FAM78A: variants seen among roughly 807,000 people sequenced by gnomAD.
FAM78A encodes the protein family with sequence similarity 78 member A.
Under a neutral mutation model 22.6 loss-of-function variants are expected in FAM78A, and 12 were observed. That is an observed-to-expected ratio of 0.53 (90% CI 0.34 to 0.86). The LOEUF (loss-of-function observed/expected upper bound fraction) is 0.86, where lower values mean the gene tolerates loss of function less well. FAM78A is among the 40% of genes least tolerant of loss of function. The pLI is 0.02. For missense variants in FAM78A, 322 were observed against 396.1 expected (o/e 0.81, Z 1.59); for synonymous variants, 151 against 155.8 (o/e 0.97, Z 0.23).
At chr9:131,267,200 T>A (rs1835356511) in intron 1 of FAM78A, among the ~76,000 whole-genome samples, 1 of 152,148 alleles carries the variant, frequency 6.6e-6, no homozygotes, top group Admixed American at 6.5e-5. Context: ...ACCTAAGCGA[T>A]CCTCTCACCT....
Position 131,260,388 on chromosome 9 carries a change from A to G in FAM78A, c.*434T>C, listed in dbSNP as rs1442652989. The G allele has an allele frequency of 6.1e-6, 1 of 163,056 alleles. No homozygotes were observed. The highest frequency in any genetic ancestry group is 2.4e-5 in the African/African-American group (1 of 41,838). 10.1% of individuals were successfully genotyped at this position (163,056 alleles called of 1,614,324 possible). On this transcript the variant is annotated 3_prime_UTR_variant, in exon 2 of 2. Transcript: ENST00000372271. This position sits in a 1 kb window ranked among gnomAD's most constrained non-coding sequence, Gnocchi z 5.4. ...GAGGGACCTGGGGGGAAGGCCGGCC[A>G]GCGCCACAAATCGGCAGCAGTGTGG...
chr9:131,273,254 G>A (rs1290170782), intron 1 of FAM78A, among the ~76,000 whole-genome samples: 1 of 152,216 alleles, frequency 6.6e-6, no homozygotes, highest in Non-Finnish European at 1.5e-5. Context: ...GACACCAAAC[G>A]GAACCCCGGG....
chr9:131,279,893 G>C (rs536475407), upstream of FAM78A, among the ~76,000 whole-genome samples: 11 of 152,306 alleles, frequency 7.2e-5, no homozygotes, highest in Admixed American at 3.9e-4. Flanking sequence ...GATCTGACCA[G>C]CTCCAAAGCC....
At chr9:131,277,906 G>A (rs1835504898), upstream of FAM78A, among the ~76,000 whole-genome samples, 1 of 150,354 alleles carries the variant, frequency 6.7e-6, no homozygotes, top group Non-Finnish European at 1.5e-5. The surrounding 1 kb of genome is among the most constrained non-coding windows in gnomAD (Gnocchi z 8.4). Context: ...AAAGGCAACC[G>A]GGTCAAACTT....
In FAM78A at chr9:131,265,224, T is replaced by G. The variant is rs76214170; in HGVS notation, c.324-3874A>C. Among the ~76,000 whole-genome samples the G allele has an allele frequency of 5.7e-3, 865 of 152,340 alleles. 13 individuals are homozygous for G. The East Asian group carries it at 0.063, about 11-fold the overall frequency. On this transcript the variant is annotated intron_variant, in intron 1 of 1. Coordinates refer to ENST00000372271, the MANE Select transcript of FAM78A (RefSeq NM_033387.4). The surrounding 1 kb of genome is among the most constrained non-coding windows in gnomAD (Gnocchi z 4.3). ...TGAAATTTTCCGATTATTTTTAACT[T>G]AAAAGTCTAAAGTTAAGCAATATCT...
At position 131,275,603 on chromosome 9, in the gene FAM78A, G is replaced by T. The variant is rs888873465; in HGVS notation, c.323+254C>A. 6.6e-6 allele frequency among the ~76,000 whole-genome samples: 1 copy of T among 152,224 alleles called. No individual in the cohort carries two copies. The highest frequency in any genetic ancestry group is 1.5e-5 in the Non-Finnish European group (1 of 68,040). On this transcript the variant is annotated intron_variant, in intron 1 of 1. Coordinates refer to ENST00000372271, the MANE Select transcript of FAM78A (RefSeq NM_033387.4). This position sits in a 1 kb window ranked among gnomAD's most constrained non-coding sequence, Gnocchi z 4.6. Reference sequence around the variant, plus strand: ...CTCTGCTTTCTCGGCATCTTGCAGGGAAGGACACAGGAACCCGGGGGGAAC... The same window carrying T: ...CTCTGCTTTCTCGGCATCTTGCAGGTAAGGACACAGGAACCCGGGGGGAAC...
At chr9:131,268,755 T>C (rs1332338222) in intron 1 of FAM78A, among the ~76,000 whole-genome samples, 1 of 151,908 alleles carries the variant, frequency 6.6e-6, no homozygotes, top group Non-Finnish European at 1.5e-5. Flanking sequence ...TAGCCGGGCA[T>C]GGTGGCAGGT....
chr9:131,269,498 A>G (rs1289913246), intron 1 of FAM78A, among the ~76,000 whole-genome samples: 1 of 146,672 alleles, frequency 6.8e-6, no homozygotes, highest in Non-Finnish European at 1.5e-5. Context: ...TTTTTTTTTG[A>G]GACAGTCTAG....
chr9:131,268,230 C>T (rs921425016), intron 1 of FAM78A, among the ~76,000 whole-genome samples: 4 of 152,184 alleles, frequency 2.6e-5, no homozygotes, highest in Non-Finnish European at 5.9e-5. Context: ...AGAAAGTACT[C>T]ATTCTGTAAA....
chr9:131,276,273 A>G lies in FAM78A; in HGVS notation c.-94T>C. 9.5e-7 allele frequency: 1 copy of G among 1,053,496 alleles called. No individual in the cohort carries two copies. Among genetic ancestry groups the G allele is most frequent in the Non-Finnish European group, 1.4e-6 (1 of 729,580 alleles). The allele number at this position is 1,053,496 out of a possible 1,614,324, so 65.3% of individuals were successfully genotyped here. On this transcript the variant is annotated 5_prime_UTR_variant, in exon 1 of 2. Transcript: ENST00000372271. This position sits in a 1 kb window ranked among gnomAD's most constrained non-coding sequence, Gnocchi z 4.3. ...TATCCATAGGATAGAAAACTCACTG[A>G]GTAGACTGGGGTTGCATATATCACT...
In FAM78A at chr9:131,276,221, C is replaced by A. The variant is rs200583741; in HGVS notation, c.-42G>T. 9.2e-4 allele frequency: 1,406 copies of A among 1,524,230 alleles called. 5 individuals are homozygous for A. The highest frequency in any genetic ancestry group is 4.2e-3 in the Middle Eastern group (24 of 5,748). The allele number at this position is 1,524,230 out of a possible 1,614,324, so 94.4% of individuals were successfully genotyped here. On this transcript the variant is annotated 5_prime_UTR_variant, in exon 1 of 2. Coordinates refer to ENST00000372271, the MANE Select transcript of FAM78A (RefSeq NM_033387.4). This position sits in a 1 kb window ranked among gnomAD's most constrained non-coding sequence, Gnocchi z 4.3. ...GCAGGACCCAGTACAGACGGCGCTG[C>A]TCTCCAATCTCAACTCTCAAGACCG...
At chr9:131,269,212 GCT>G (rs1415736741) in intron 1 of FAM78A, among the ~76,000 whole-genome samples, 1 of 151,656 alleles carries the variant, frequency 6.6e-6, no homozygotes, top group Admixed American at 6.6e-5. Flanking sequence ...TTGAGACCTT[GCT>G]CTCTGCATAC....
intron 1 of FAM78A, among the ~76,000 whole-genome samples, chr9:131,269,332 A>G (rs897322417): frequency 1.3e-5 from 2 of 152,088 alleles, no homozygotes; most frequent in African/African-American, 4.8e-5. Flanking sequence ...ACAATGTATC[A>G]TTTCCCCACT....
At chr9:131,263,149 G>C (rs945272089) in intron 1 of FAM78A, among the ~76,000 whole-genome samples, 5 of 149,892 alleles carry the variant, frequency 3.3e-5, no homozygotes, top group African/African-American at 1.2e-4. Flanking sequence ...TGAGGCAGGA[G>C]AATCGCTTGA....
At position 131,276,236 on chromosome 9, in the gene FAM78A, T is replaced by C. The variant is rs1322100166; in HGVS notation, c.-57A>G. 2 of 1,424,600 alleles carry C rather than the reference T, an allele frequency of 1.4e-6. No homozygotes were observed. The highest frequency in any genetic ancestry group is 1.9e-6 in the Non-Finnish European group (2 of 1,036,206). The allele number at this position is 1,424,600 out of a possible 1,614,324, so 88.2% of individuals were successfully genotyped here. A position where few individuals can be genotyped will look rare whatever the true frequency, so the allele number is the denominator to read the frequency against. ...GACGGCGCTGCTCTCCAATCTCAACTCTCAAGACCGATATCCATAGGATAG... is the reference window on the plus strand; with the variant it reads ...GACGGCGCTGCTCTCCAATCTCAACCCTCAAGACCGATATCCATAGGATAG... On this transcript the variant is annotated 5_prime_UTR_variant, in exon 1 of 2. Transcript: ENST00000372271. This position sits in a 1 kb window ranked among gnomAD's most constrained non-coding sequence, Gnocchi z 4.3.
At position 131,258,105 on chromosome 9, in the gene FAM78A, T is replaced by A. The variant is rs1379835774; in HGVS notation, c.*2717A>T. ...CTTTAAAATTACATTTTATTTCTCT[T>A]TATGAATATTTGCTTTTTGTTTTTT... On this transcript the variant is annotated 3_prime_UTR_variant, in exon 2 of 2. Coordinates refer to ENST00000372271, the MANE Select transcript of FAM78A (RefSeq NM_033387.4). 6.8e-6 allele frequency: 1 copy of A among 147,702 alleles called. No individual in the cohort carries two copies. The highest frequency in any genetic ancestry group is 2.0e-4 in the East Asian group (1 of 4,958). The allele number at this position is 147,702 out of a possible 1,614,324, so 9.1% of individuals were successfully genotyped here.
At position 131,265,992 on chromosome 9, in the gene FAM78A, G is replaced by A. The variant is rs1835339099; in HGVS notation, c.324-4642C>T. Among the ~76,000 whole-genome samples the A allele has an allele frequency of 6.6e-6, 1 of 152,158 alleles. No homozygotes were observed. The highest frequency in any genetic ancestry group is 1.5e-5 in the Non-Finnish European group (1 of 68,006). On this transcript the variant is annotated intron_variant, in intron 1 of 1. Transcript: ENST00000372271. The surrounding 1 kb of genome is among the most constrained non-coding windows in gnomAD (Gnocchi z 4.3). ...ATCATCACCCACCCAACAAACATCTGCAGGGCACCTGCTTTCCATGTCTCA... is the reference window on the plus strand; with the variant it reads ...ATCATCACCCACCCAACAAACATCTACAGGGCACCTGCTTTCCATGTCTCA...
intron 1 of FAM78A, among the ~76,000 whole-genome samples, chr9:131,264,936 T>G (rs1011300990): frequency 6.6e-6 from 1 of 152,184 alleles, no homozygotes; most frequent in Non-Finnish European, 1.5e-5. Flanking sequence ...TTGGCCAGGC[T>G]GGTCTCAAAC....
upstream of FAM78A, among the ~76,000 whole-genome samples, chr9:131,277,154 C>G (rs999011261): frequency 6.6e-6 from 1 of 151,448 alleles, no homozygotes; most frequent in African/African-American, 2.4e-5. The surrounding 1 kb of genome is among the most constrained non-coding windows in gnomAD (Gnocchi z 8.4). Context: ...CGCGCACCAG[C>G]GAATAATAGC....
Sources: gnomAD v4.1 joint callset for allele counts (sites outside exome capture counted in the v4.1 genomes callset) on GRCh38, gnomAD v4.1.1 for gene constraint, Gnocchi (gnomAD v3.1) non-coding constraint, MANE v1.5 for transcripts, NCBI Gene and HGNC (gene_info 2026-07-23, HGNC 2026-07-21) for gene names.